Variants in NTM observed in about 807,000 individuals in gnomAD.
NTM encodes the protein IgLON family member 2.
NTM carries 13 observed loss-of-function variants against 42.1 expected under a neutral mutation model. The observed-to-expected ratio is 0.31, with a 90% CI of 0.20 to 0.49. The LOEUF (loss-of-function observed/expected upper bound fraction) is 0.49. Ranked by LOEUF, NTM falls within the 20% of genes least tolerant of loss-of-function variation. The pLI is 0.99. For missense variants in NTM, 373 were observed against 452.8 expected (o/e 0.82, Z 1.60); for synonymous variants, 187 against 179.2 (o/e 1.04, Z -0.35).
chr11:131,577,105 G>A (rs61577869), intron 1 of NTM, among the ~76,000 whole-genome samples: 2,122 of 152,254 alleles, frequency 0.014, 58 homozygotes, highest in African/African-American at 0.047. Flanking sequence ...TGTGATCACA[G>A]CCAATTTATT....
intron 1 of NTM, among the ~76,000 whole-genome samples, chr11:131,736,420 G>A (rs1283797975): frequency 1.3e-5 from 2 of 152,120 alleles, no homozygotes; most frequent in Non-Finnish European, 2.9e-5. Context: ...AGTATAGTAG[G>A]TGCCTCTAAA....
chr11:132,283,169 T>C (rs183744966), intron 4 of NTM, among the ~76,000 whole-genome samples: 1 of 151,930 alleles, frequency 6.6e-6, no homozygotes, highest in African/African-American at 2.4e-5. Context: ...GTATTTTTAG[T>C]AGAGATAGGG....
At chr11:131,708,207 T>C (rs789539) in intron 1 of NTM, among the ~76,000 whole-genome samples, 28,170 of 152,094 alleles carry the variant, frequency 0.19, 2,759 homozygotes, top group African/African-American at 0.22. Flanking sequence ...CCCTTATATA[T>C]AAAGAACTTC....
At position 131,785,022 on chromosome 11, in the gene NTM, CTG is replaced by C. The variant is rs559202630; in HGVS notation, c.83-126533_83-126532del. On this transcript the variant is annotated intron_variant, in intron 1 of 8. Transcript: ENST00000683400. The stretch of plus-strand genomic sequence containing the variant: ...ACTACAGTCTTTAAAATCTTCCTTA[CTG>C]TGTGTGTGCGTGTGTGTGTCTGTGT... Among the ~76,000 whole-genome samples, 18 of 152,180 alleles carry C rather than the reference CTG, an allele frequency of 1.2e-4. No homozygotes were observed. In the East Asian group the frequency reaches 3.5e-3, roughly 29 times the overall value.
At position 131,738,976 on chromosome 11, in the gene NTM, G is replaced by A. The variant is rs910379720; in HGVS notation, c.83-172588G>A. ...CTCTTGGATTGAACTTGGGGCCAAGGGATGTGGGCTTTGATCCCTGCAGCT... is the reference window on the plus strand; with the variant it reads ...CTCTTGGATTGAACTTGGGGCCAAGAGATGTGGGCTTTGATCCCTGCAGCT... On this transcript the variant is annotated intron_variant, in intron 1 of 8. Coordinates refer to ENST00000683400, the MANE Select transcript of NTM (RefSeq NM_001352005.2). Among the ~76,000 whole-genome samples, 16 of 152,262 alleles carry A rather than the reference G, an allele frequency of 1.1e-4. No individual in the cohort carries two copies. The East Asian group carries it at 2.9e-3, about 28-fold the overall frequency.
At chr11:132,251,818 A>C (rs560244117) in intron 4 of NTM, among the ~76,000 whole-genome samples, 3 of 152,208 alleles carry the variant, frequency 2.0e-5, no homozygotes, top group African/African-American at 7.2e-5. Flanking sequence ...GGGACTTGGA[A>C]TTTTCTGGCT....
intron 2 of NTM, among the ~76,000 whole-genome samples, chr11:131,923,642 A>C (rs991493264): frequency 2.6e-5 from 4 of 152,190 alleles, no homozygotes; most frequent in African/African-American, 9.7e-5. Flanking sequence ...TAAACACTGG[A>C]GAATAAGGAT....
At chr11:132,129,040 C>A (rs2066361871) in intron 2 of NTM, among the ~76,000 whole-genome samples, 1 of 151,190 alleles carries the variant, frequency 6.6e-6, no homozygotes, top group South Asian at 2.1e-4. Flanking sequence ...TGTCACAAGT[C>A]CCAGCAGGTT....
chr11:132,315,107 C>CCTAAGCTGA (rs1157103062), intron 7 of NTM: 15 of 992,022 alleles, frequency 1.5e-5, no homozygotes, highest in African/African-American at 3.5e-5. Context: ...GATGATGGCT[C>CCTAAGCTGA]CTAAGCTGAC....
intron 2 of NTM, among the ~76,000 whole-genome samples, chr11:132,097,833 T>C (rs2061195989): frequency 6.6e-6 from 1 of 152,194 alleles, no homozygotes; most frequent in Non-Finnish European, 1.5e-5. Context: ...GGGAAAAGGG[T>C]TCCGGCATTG....
intron 1 of NTM, among the ~76,000 whole-genome samples, chr11:131,706,795 A>G (rs2076636424): frequency 1.3e-5 from 2 of 152,156 alleles, no homozygotes; most frequent in South Asian, 4.1e-4. Flanking sequence ...AACAAACATG[A>G]AAACATAACA....
At chr11:131,401,235 A>T (rs1299611963) in intron 1 of NTM, among the ~76,000 whole-genome samples, 1 of 152,186 alleles carries the variant, frequency 6.6e-6, no homozygotes, top group African/African-American at 2.4e-5. Context: ...CTCTCAGGTC[A>T]TCTAGCTCAT....
chr11:132,151,202 A>G (rs969097177), intron 3 of NTM, among the ~76,000 whole-genome samples: 1 of 152,202 alleles, frequency 6.6e-6, no homozygotes, highest in East Asian at 1.9e-4. Context: ...TACTGTCTCC[A>G]TTGTTCCTTT....
intron 2 of NTM, among the ~76,000 whole-genome samples, chr11:131,931,401 T>A (rs1186072586): frequency 6.6e-6 from 1 of 151,646 alleles, no homozygotes; most frequent in Non-Finnish European, 1.5e-5. Flanking sequence ...ATGGCGCCAC[T>A]GCAGTCCAGC....
At chr11:131,511,365 ATCAAAG>A (rs887955095) in intron 1 of NTM, among the ~76,000 whole-genome samples, 2 of 152,204 alleles carry the variant, frequency 1.3e-5, no homozygotes, top group African/African-American at 4.8e-5. Flanking sequence ...CCCTAATTGA[ATCAAAG>A]TCTGACTGCC....
At chr11:131,826,672 A>G (rs1336236720) in intron 1 of NTM, among the ~76,000 whole-genome samples, 2 of 151,936 alleles carry the variant, frequency 1.3e-5, no homozygotes, top group African/African-American at 4.8e-5. Context: ...GGCAGGGAGG[A>G]ATTTTTTCAT....
chr11:132,192,193 A>G (rs2079422007), intron 3 of NTM, among the ~76,000 whole-genome samples: 1 of 152,222 alleles, frequency 6.6e-6, no homozygotes, highest in Non-Finnish European at 1.5e-5. Flanking sequence ...CAAGATGACC[A>G]TCTGCAAGAC....
chr11:131,373,129 C>G (rs1210066221), intron 1 of NTM, among the ~76,000 whole-genome samples: 3 of 152,204 alleles, frequency 2.0e-5, no homozygotes, highest in Non-Finnish European at 2.9e-5. Flanking sequence ...TATTGCATGC[C>G]AGTCAGATGT....
intron 1 of NTM, among the ~76,000 whole-genome samples, chr11:131,406,786 G>A (rs1216259683): frequency 1.3e-5 from 2 of 152,100 alleles, no homozygotes; most frequent in Non-Finnish European, 2.9e-5. Context: ...ATGTGGATAA[G>A]GGAGAATGAC....
Sources: allele counts gnomAD v4.1 joint callset (sites outside exome capture counted in the v4.1 genomes callset), GRCh38; gene constraint gnomAD v4.1.1; transcripts MANE v1.5; gene names NCBI Gene and HGNC (gene_info 2026-07-23, HGNC 2026-07-21).